Variants in TEX11 observed in about 807,000 individuals in gnomAD.
TEX11 encodes the protein testis-expressed protein 11.
TEX11 carries 7 observed loss-of-function variants against 84.4 expected under a neutral mutation model. The observed-to-expected ratio is 0.08, with a 90% CI of 0.05 to 0.16. TEX11 has a LOEUF of 0.16. Ranked by LOEUF, TEX11 falls within the 10% of genes least tolerant of loss-of-function variation. The pLI, the probability that TEX11 is intolerant of heterozygous loss-of-function variation, is 1.00. For missense variants in TEX11, 551 were observed against 660.5 expected (o/e 0.83, Z 1.82); for synonymous variants, 264 against 222.8 (o/e 1.18, Z -1.64).
At chrX:70,850,790 C>T (rs1414892349) in intron 7 of TEX11, among the ~76,000 whole-genome samples, 6 of 109,669 alleles carry the variant, frequency 5.5e-5, no homozygotes, top group East Asian at 2.9e-4. Context: ...ATAGGTCTGG[C>T]CAGGCATGGT....
chrX:70,725,936 C>T (rs1251884697), intron 11 of TEX11, among the ~76,000 whole-genome samples: 2 of 111,657 alleles, frequency 1.8e-5, no homozygotes, highest in Non-Finnish European at 3.8e-5. Flanking sequence ...GCCAATTAAC[C>T]CCTACATGAA....
intron 2 of TEX11, among the ~76,000 whole-genome samples, chrX:70,905,961 G>A (rs1378570830): frequency 4.1e-5 from 4 of 97,695 alleles, no homozygotes; most frequent in Non-Finnish European, 8.2e-5. Context: ...GCTGAGGCAG[G>A]AGAATCGCTT....
intron 7 of TEX11, among the ~76,000 whole-genome samples, chrX:70,848,599 T>A (rs765404245): frequency 9.0e-6 from 1 of 111,616 alleles, no homozygotes; most frequent in Non-Finnish European, 1.9e-5. Context: ...CAGAAAGGAA[T>A]AATAGGGGGA....
chrX:70,591,839 G>A lies in TEX11; in HGVS notation c.2068-16C>T, dbSNP rs1403578734. 3 of 1,176,540 alleles carry A rather than the reference G, an allele frequency of 2.5e-6. No individual in the cohort carries two copies. The highest frequency in any genetic ancestry group is 1.9e-5 in the South Asian group (1 of 52,951). ...GGAACATGGTCTGTTTGGCAACAGTGCAACAAGTTAATTAGTCCCAACAAA... is the reference window on the plus strand; with the variant it reads ...GGAACATGGTCTGTTTGGCAACAGTACAACAAGTTAATTAGTCCCAACAAA... On this transcript the variant is annotated splice_polypyrimidine_tract_variant and intron_variant, in intron 24 of 29. Transcript: ENST00000374333.
At chrX:70,753,361 G>A (rs929660157) in intron 9 of TEX11, among the ~76,000 whole-genome samples, 2 of 111,248 alleles carry the variant, frequency 1.8e-5, no homozygotes, top group East Asian at 2.8e-4. Flanking sequence ...AGAGAAAATC[G>A]AAGAGTGGGG....
rs905844550 is a variant in TEX11 at position 70,865,757 on chromosome X, C to T, written c.245-4821G>A. Among the ~76,000 whole-genome samples the T allele has an allele frequency of 1.3e-4, 15 of 112,113 alleles. 1 individual carries two copies. The highest frequency in any genetic ancestry group is 1.2e-3 in the Admixed American group (13 of 10,469). ...AAACTCACTCAAAACCGCACAACTA[C>T]ATGGAAATTGAACAACCTGTTCCTG... On this transcript the variant is annotated intron_variant, in intron 4 of 29. Transcript: ENST00000374333.
Position 70,591,808 on chromosome X carries a change from G to C in TEX11, c.2083C>G (p.Arg695Gly). The change falls in exon 25 of 30, where the codon CGT becomes GGT. Residue 695 changes from arginine (R) to glycine (G), a missense_variant. Physicochemically the swap from Arg to Gly is moderately radical, Grantham distance 125. Coordinates refer to ENST00000374333, the MANE Select transcript of TEX11 (RefSeq NM_031276.3). The stretch of plus-strand genomic sequence containing the variant: ...CATGTCTGGATCTCCTCAAGTGCAC[G>C]ACTCAGGAACATGGTCTGTTTGGCA... ...TAFEQTMFLS[R>G]ALEEIQTCND... 8.3e-7 allele frequency: 1 copy of C among 1,208,447 alleles called. No homozygotes were observed. Among genetic ancestry groups the C allele is most frequent in the Non-Finnish European group, 1.1e-6 (1 of 893,426 alleles).
At chrX:70,666,075 TAAAG>T (rs201338343) in intron 16 of TEX11, among the ~76,000 whole-genome samples, 1,556 of 111,464 alleles carry the variant, frequency 0.014, 28 homozygotes, top group Admixed American at 0.066. Context: ...CAAGGGCAAA[TAAAG>T]ATAAGATATG....
intron 11 of TEX11, among the ~76,000 whole-genome samples, chrX:70,738,198 C>A (rs1298001001): frequency 9.0e-6 from 1 of 111,124 alleles, no homozygotes; most frequent in Non-Finnish European, 1.9e-5. Context: ...TACAATCTAC[C>A]CATCTAACAA....
intron 25 of TEX11, among the ~76,000 whole-genome samples, chrX:70,565,828 C>T (rs1019555456): frequency 9.0e-6 from 1 of 111,674 alleles, no homozygotes; most frequent in African/African-American, 3.3e-5. Context: ...AGTTTGAAGT[C>T]AGGTAGCTTG....
chrX:70,579,525 A>AT (rs375052271), intron 25 of TEX11, among the ~76,000 whole-genome samples: 4 of 29,787 alleles, frequency 1.3e-4, no homozygotes, highest in Admixed American at 6.6e-4. Flanking sequence ...AAAACAAAAA[A>AT]AAAAAAAAAC....
intron 17 of TEX11, among the ~76,000 whole-genome samples, chrX:70,643,135 CAGAG>C (rs1218907341): frequency 1.2e-5 from 1 of 80,642 alleles, no homozygotes. Context: ...AACAGACAAA[CAGAG>C]AGCCAAATCA....
At chrX:70,579,150 G>A (rs915426038) in intron 25 of TEX11, among the ~76,000 whole-genome samples, 82 of 110,672 alleles carry the variant, frequency 7.4e-4, no homozygotes, top group Non-Finnish European at 5.9e-4. Flanking sequence ...CCAGAATTAA[G>A]GTATATCTTT....
At chrX:70,881,005 C>CAAA (rs11284342) in intron 2 of TEX11, among the ~76,000 whole-genome samples, 5 of 46,225 alleles carry the variant, frequency 1.1e-4, no homozygotes, top group Admixed American at 6.6e-4. Flanking sequence ...AGACATCATC[C>CAAA]AAAAAAAAAA....
At chrX:70,735,901 A>G (rs1369843192) in intron 11 of TEX11, among the ~76,000 whole-genome samples, 1 of 111,952 alleles carries the variant, frequency 8.9e-6, no homozygotes, top group Non-Finnish European at 1.9e-5. Flanking sequence ...ACTGGTACGT[A>G]TTATTTGGAG....
chrX:70,638,966 G>A (rs976814013), intron 17 of TEX11, among the ~76,000 whole-genome samples: 1 of 110,142 alleles, frequency 9.1e-6, no homozygotes, highest in Non-Finnish European at 1.9e-5. Flanking sequence ...GAACCACGCA[G>A]AAGACGGGTG....
intron 25 of TEX11, among the ~76,000 whole-genome samples, chrX:70,560,893 GTTTTTTTTTTTTTTTTTTTTTTT>G (rs745618647): frequency 2.1e-4 from 7 of 33,593 alleles, no homozygotes; most frequent in Admixed American, 2.0e-3. Flanking sequence ...CACCACACCG[GTTTTTTTTTTTTTTTTTTTTTTT>G]TTTTTTTTTT....
intron 7 of TEX11, among the ~76,000 whole-genome samples, chrX:70,839,935 G>C (rs940072001): frequency 9.0e-6 from 1 of 111,216 alleles, no homozygotes; most frequent in Non-Finnish European, 1.9e-5. Flanking sequence ...AGAGAAAAAA[G>C]AATAAAAAGA....
rs756129568 is a variant in TEX11, at chrX:70,682,689, C to T, written c.1141G>A (p.Glu381Lys). The T allele has an allele frequency of 8.3e-7, 1 of 1,209,053 alleles. No individual in the cohort carries two copies. The highest frequency in any genetic ancestry group is 1.8e-5 in the South Asian group (1 of 56,106). Residue 381 changes from glutamate to lysine, a missense_variant, in exon 14 of 30, where the codon GAA (glutamate) becomes AAA (lysine). Transcript: ENST00000374333. ...TCCTACTGACCTAAAAAGATTTCTT[C>T]AATCTTCTCCTTGGCAAGAAGTTCT... Reference protein sequence around the residue: ...KEELLAKEKIEEIFLAHQTGR... With the variant: ...KEELLAKEKIKEIFLAHQTGR...
Sources: allele counts gnomAD v4.1 joint callset (sites outside exome capture counted in the v4.1 genomes callset), GRCh38; gene constraint gnomAD v4.1.1; transcripts MANE v1.5; gene names NCBI Gene and HGNC (gene_info 2026-07-23, HGNC 2026-07-21).